Variants in AGBL1 observed in about 807,000 individuals in gnomAD.
The protein encoded by AGBL1 is AGBL carboxypeptidase 1.
A neutral mutation model predicts 118.9 loss-of-function variants in AGBL1; 130 were observed. That is an observed-to-expected ratio of 1.09 (90% CI 0.95 to 1.26). The LOEUF (loss-of-function observed/expected upper bound fraction) is 1.26, where lower values mean the gene tolerates loss of function less well. AGBL1 is among the 50% of genes most tolerant of loss of function. The probability of loss-of-function intolerance (pLI) is 0.00; values close to 1 mark genes in which losing one functional copy is unlikely to be tolerated. For missense variants in AGBL1, 1,584 were observed against 1,298.1 expected (o/e 1.22, Z -3.38); for synonymous variants, 555 against 478.9 (o/e 1.16, Z -2.08).
chr15:86,305,335 C>T (rs929940693), intron 17 of AGBL1, among the ~76,000 whole-genome samples: 4 of 152,014 alleles, frequency 2.6e-5, no homozygotes, highest in East Asian at 1.9e-4. Flanking sequence ...GGAAAGCTAC[C>T]GCCAGATTCA....
At chr15:86,874,469 A>G (rs2079776530) in intron 22 of AGBL1, among the ~76,000 whole-genome samples, 2 of 151,758 alleles carry the variant, frequency 1.3e-5, no homozygotes, top group Non-Finnish European at 2.9e-5. Flanking sequence ...TCCCCATTAC[A>G]CTGTTGAGAG....
At chr15:86,331,225 A>G (rs941118396) in intron 17 of AGBL1, among the ~76,000 whole-genome samples, 1 of 38,664 alleles carries the variant, frequency 2.6e-5, no homozygotes, top group Non-Finnish European at 8.1e-5. Flanking sequence ...CTCCATCTCA[A>G]AAAAAAAAAA....
At chr15:86,772,425 G>A (rs1388779539) in intron 22 of AGBL1, among the ~76,000 whole-genome samples, 1 of 152,046 alleles carries the variant, frequency 6.6e-6, no homozygotes, top group Non-Finnish European at 1.5e-5. Flanking sequence ...TATTTGTGGT[G>A]TCTTTGTCAC....
intron 1 of AGBL1, among the ~76,000 whole-genome samples, chr15:86,141,074 G>A (rs919754494): frequency 2.6e-5 from 4 of 152,174 alleles, no homozygotes; most frequent in South Asian, 2.1e-4. Context: ...TGCAAAGAGC[G>A]CTGGCCTGAT....
At chr15:86,518,188 C>T (rs565297613) in intron 18 of AGBL1, among the ~76,000 whole-genome samples, 2 of 152,136 alleles carry the variant, frequency 1.3e-5, no homozygotes, top group African/African-American at 4.8e-5. Flanking sequence ...GAAGGTGACT[C>T]ACTTTTCCTC....
At chr15:86,999,599 G>A (rs1460945245) in intron 24 of AGBL1, among the ~76,000 whole-genome samples, 1 of 149,438 alleles carries the variant, frequency 6.7e-6, no homozygotes, top group East Asian at 2.0e-4. Context: ...GTGTATATGT[G>A]CCACATTTTC....
chr15:86,423,741 AACAG>A (rs1172345388), intron 18 of AGBL1, among the ~76,000 whole-genome samples: 1 of 151,970 alleles, frequency 6.6e-6, no homozygotes, highest in Non-Finnish European at 1.5e-5. Context: ...ATACACCAAT[AACAG>A]ACAGAGAGCC....
At chr15:86,472,228 G>C (rs1281506014) in intron 18 of AGBL1, among the ~76,000 whole-genome samples, 1 of 152,180 alleles carries the variant, frequency 6.6e-6, no homozygotes, top group Non-Finnish European at 1.5e-5. Flanking sequence ...AGCAGCCCCA[G>C]GAAACTAGTC....
At chr15:86,368,370 A>G (rs2080922683) in intron 17 of AGBL1, among the ~76,000 whole-genome samples, 2 of 152,212 alleles carry the variant, frequency 1.3e-5, no homozygotes, top group African/African-American at 4.8e-5. Context: ...TGTCATGAGA[A>G]AGACAGCCAA....
chr15:86,130,735 C>G (rs2076808585), intron 1 of AGBL1, among the ~76,000 whole-genome samples: 1 of 152,098 alleles, frequency 6.6e-6, no homozygotes, highest in Admixed American at 6.6e-5. Context: ...TATTGATCTC[C>G]TATTGAGATT....
At chr15:86,846,318 C>G (rs149840553) in intron 22 of AGBL1, among the ~76,000 whole-genome samples, 1 of 152,118 alleles carries the variant, frequency 6.6e-6, no homozygotes, top group African/African-American at 2.4e-5. Flanking sequence ...TTCATTGCTC[C>G]GAGCATGTCA....
At chr15:86,169,864 A>G (rs1275624357) in intron 5 of AGBL1, among the ~76,000 whole-genome samples, 2 of 152,228 alleles carry the variant, frequency 1.3e-5, no homozygotes, top group Non-Finnish European at 2.9e-5. Flanking sequence ...ACAAATATTA[A>G]AAGCAAAACC....
At chr15:86,384,432 C>A (rs776056125) in intron 17 of AGBL1, among the ~76,000 whole-genome samples, 2 of 152,046 alleles carry the variant, frequency 1.3e-5, no homozygotes, top group Non-Finnish European at 2.9e-5. Flanking sequence ...TTTCCTGATG[C>A]GATTACACAC....
intron 22 of AGBL1, among the ~76,000 whole-genome samples, chr15:86,688,582 G>A (rs897382048): frequency 1.6e-4 from 25 of 152,196 alleles, no homozygotes; most frequent in African/African-American, 5.8e-4. Context: ...GGAGGGCATG[G>A]GATGGATTAT....
chr15:86,288,678 A>G (rs553088317), intron 16 of AGBL1, among the ~76,000 whole-genome samples: 20 of 152,266 alleles, frequency 1.3e-4, no homozygotes, highest in Admixed American at 8.5e-4. Flanking sequence ...TTGAGAAAAA[A>G]TTAAAAAATA....
chr15:86,667,079 T>C (rs530894785), intron 21 of AGBL1, among the ~76,000 whole-genome samples: 1 of 152,188 alleles, frequency 6.6e-6, no homozygotes, highest in African/African-American at 2.4e-5. Context: ...TATGTTAACA[T>C]CTATACTAGC....
At chr15:86,608,037 C>A (rs1312122901) in intron 21 of AGBL1, among the ~76,000 whole-genome samples, 1 of 152,154 alleles carries the variant, frequency 6.6e-6, no homozygotes, top group Non-Finnish European at 1.5e-5. Context: ...CCTGCATTTT[C>A]ATTAGTATTT....
At chr15:86,154,912 A>T (rs777906300) in intron 4 of AGBL1, among the ~76,000 whole-genome samples, 1 of 152,152 alleles carries the variant, frequency 6.6e-6, no homozygotes, top group Non-Finnish European at 1.5e-5. Context: ...TCCTTGTCAC[A>T]TTCAAGTGTT....
intron 23 of AGBL1, among the ~76,000 whole-genome samples, chr15:86,925,191 AAAGAAGAAAAG>A (rs1555463601): frequency 1.9e-5 from 2 of 104,068 alleles, no homozygotes; most frequent in African/African-American, 8.8e-5. Flanking sequence ...AAGAGGAAGA[AAAGAAGAAAAG>A]AAGAAGAAAA....
Sources: allele counts gnomAD v4.1 joint callset (sites outside exome capture counted in the v4.1 genomes callset), GRCh38; gene constraint gnomAD v4.1.1; transcripts MANE v1.5; gene names NCBI Gene and HGNC (gene_info 2026-07-23, HGNC 2026-07-21).